Variants in PDE7A observed in about 807,000 individuals in gnomAD.
PDE7A encodes high affinity 3',5'-cyclic-AMP phosphodiesterase 7A.
A neutral mutation model predicts 64.3 loss-of-function variants in PDE7A; 39 were observed. The observed-to-expected ratio is 0.61, with a 90% CI of 0.47 to 0.79. The LOEUF is 0.79. Among genes scored for constraint, PDE7A ranks in the 30% least tolerant of loss-of-function variants. The pLI is 0.00. For synonymous variants in PDE7A, 203 were observed against 206.8 expected, an observed-to-expected ratio of 0.98 and a Z score of 0.16; for missense variants, 470 against 582.8, an observed-to-expected ratio of 0.81 and a Z score of 1.99.
chr8:65,809,803 T>A (rs917624465), intron 1 of PDE7A, among the ~76,000 whole-genome samples: 2 of 152,122 alleles, frequency 1.3e-5, no homozygotes, highest in East Asian at 3.8e-4. Context: ...TGAGATACCA[T>A]CTCACACTAG....
chr8:65,823,968 T>C (rs1414977285), intron 1 of PDE7A, among the ~76,000 whole-genome samples: 1 of 151,848 alleles, frequency 6.6e-6, no homozygotes, highest in East Asian at 1.9e-4. Flanking sequence ...ATTCAAAAAT[T>C]GATATAAAAA....
At position 65,804,846 on chromosome 8, in the gene PDE7A, C is replaced by A. The variant is rs1225447161; in HGVS notation, c.139-22003G>T. 3.3e-5 allele frequency among the ~76,000 whole-genome samples: 5 copies of A among 151,470 alleles called. 1 individual carries two copies. The East Asian group carries it at 9.7e-4, about 29-fold the overall frequency. On this transcript the variant is annotated intron_variant, in intron 1 of 12. Transcript: ENST00000401827. The stretch of plus-strand genomic sequence containing the variant: ...AAGCCACCGTGCCCAGCCAAGTTTT[C>A]TTTTATTTTGAGATGGGATCTTGCT...
chr8:65,767,038 G>A lies in PDE7A; in HGVS notation c.283+12682C>T, dbSNP rs201743662. Among the ~76,000 whole-genome samples the A allele has an allele frequency of 5.4e-5, 8 of 149,216 alleles. No homozygotes were observed. The East Asian group carries it at 1.2e-3, about 22-fold the overall frequency. On this transcript the variant is annotated intron_variant, in intron 3 of 12. Coordinates refer to ENST00000401827, the MANE Select transcript of PDE7A (RefSeq NM_001242318.3). ...CAACAACAACAACAACAACAACAACGCCTGGACCACTACATCCAACTGAAT... is the reference window on the plus strand; with the variant it reads ...CAACAACAACAACAACAACAACAACACCTGGACCACTACATCCAACTGAAT...
chr8:65,741,961 A>G (rs1356088105), intron 5 of PDE7A, among the ~76,000 whole-genome samples: 1 of 152,236 alleles, frequency 6.6e-6, no homozygotes, highest in Non-Finnish European at 1.5e-5. Flanking sequence ...TCTGACAAGA[A>G]TCAGTCTCTT....
chr8:65,746,145 G>A (rs1807667053), intron 4 of PDE7A, among the ~76,000 whole-genome samples: 2 of 151,458 alleles, frequency 1.3e-5, no homozygotes, highest in South Asian at 4.2e-4. Flanking sequence ...GCTGCCCAGG[G>A]CTGGTTTCAA....
At chr8:65,763,426 G>A (rs531590717) in intron 3 of PDE7A, among the ~76,000 whole-genome samples, 21 of 152,176 alleles carry the variant, frequency 1.4e-4, no homozygotes, top group South Asian at 1.0e-3. Context: ...TTAGCTGGGC[G>A]TGGTGGCGCA....
chr8:65,824,102 G>A (rs1810608649), intron 1 of PDE7A, among the ~76,000 whole-genome samples: 1 of 152,154 alleles, frequency 6.6e-6, no homozygotes, highest in Non-Finnish European at 1.5e-5. Context: ...TGTGGCAACT[G>A]CACCTAGCAA....
chr8:65,839,982 G>A (rs1438514667), intron 1 of PDE7A, among the ~76,000 whole-genome samples: 1 of 152,154 alleles, frequency 6.6e-6, no homozygotes, highest in Non-Finnish European at 1.5e-5. Context: ...ATCTGAGGAA[G>A]TAAAATAATA....
chr8:65,795,689 A>G (rs1015034340), intron 1 of PDE7A, among the ~76,000 whole-genome samples: 20 of 152,174 alleles, frequency 1.3e-4, no homozygotes, highest in African/African-American at 4.6e-4. Flanking sequence ...AAAACTTACA[A>G]TAAGCGTAAA....
chr8:65,841,388 G>T lies in PDE7A; in HGVS notation c.121C>A (p.Pro41Thr). ...SSSALFGCPN[P>T]RQLSQRRGAI... ...GCGATTACCTGAGAGAGCTGCCGGGGATTGGGGCAGCCGAAGAGAGCGGAG... is the reference window on the plus strand; with the variant it reads ...GCGATTACCTGAGAGAGCTGCCGGGTATTGGGGCAGCCGAAGAGAGCGGAG... The change falls in exon 1 of 13, where the codon CCC becomes ACC. Residue 41 changes from proline (P) to threonine (T), a missense_variant. By Grantham distance (38) the Pro-to-Thr change is conservative. Transcript: ENST00000401827. The T allele has an allele frequency of 1.9e-6, 3 of 1,560,602 alleles. No individual in the cohort carries two copies. Among genetic ancestry groups the T allele is most frequent in the Non-Finnish European group, 1.7e-6 (2 of 1,158,044 alleles).
At chr8:65,767,554 T>C (rs1054556006) in intron 3 of PDE7A, among the ~76,000 whole-genome samples, 12 of 152,178 alleles carry the variant, frequency 7.9e-5, no homozygotes, top group African/African-American at 2.4e-4. Context: ...CAATCTTCCC[T>C]GGCCTTTCTG....
chr8:65,724,924 G>T lies in PDE7A; in HGVS notation c.921-3C>A. 1 of 1,572,098 alleles carries T rather than the reference G, an allele frequency of 6.4e-7. No homozygotes were observed. Among genetic ancestry groups the T allele is most frequent in the Non-Finnish European group, 8.6e-7 (1 of 1,156,070 alleles). ...CTATCTGTGTCTCCATTTGTTGCCTGGAAATAGAGAAATATAAAGAGAAAA... is the reference window on the plus strand; with the variant it reads ...CTATCTGTGTCTCCATTTGTTGCCTTGAAATAGAGAAATATAAAGAGAAAA... On this transcript the variant is annotated splice_polypyrimidine_tract_variant and splice_region_variant and intron_variant, in intron 9 of 12. Coordinates refer to ENST00000401827, the MANE Select transcript of PDE7A (RefSeq NM_001242318.3).
At chr8:65,791,418 T>C (rs1162618769) in intron 1 of PDE7A, among the ~76,000 whole-genome samples, 1 of 152,190 alleles carries the variant, frequency 6.6e-6, no homozygotes, top group Non-Finnish European at 1.5e-5. Context: ...CAGAATTAAA[T>C]TCTACTGTAT....
At chr8:65,744,129 A>G (rs1260217418) in intron 5 of PDE7A, among the ~76,000 whole-genome samples, 2 of 152,202 alleles carry the variant, frequency 1.3e-5, no homozygotes, top group Non-Finnish European at 2.9e-5. Context: ...CACCACGCCC[A>G]GCCTAGCTGA....
At chr8:65,832,590 T>G (rs1810858320) in intron 1 of PDE7A, among the ~76,000 whole-genome samples, 1 of 152,126 alleles carries the variant, frequency 6.6e-6, no homozygotes, top group Non-Finnish European at 1.5e-5. Context: ...GCTCAAGAGA[T>G]CCTCCCACCA....
In PDE7A at chr8:65,812,305, G is replaced by A. The variant is rs115648994; in HGVS notation, c.138+29066C>T. ...TGGTGTTTCAAATAAATGGAGAAAA[G>A]ATGCAGTATTTAATAAATGATTTCG... On this transcript the variant is annotated intron_variant, in intron 1 of 12. Coordinates refer to ENST00000401827, the MANE Select transcript of PDE7A (RefSeq NM_001242318.3). 5.9e-3 allele frequency among the ~76,000 whole-genome samples: 891 copies of A among 151,748 alleles called. 9 individuals are homozygous for A. The highest frequency in any genetic ancestry group is 0.02 in the African/African-American group (842 of 41,348).
chr8:65,799,308 A>G (rs1809934103), intron 1 of PDE7A, among the ~76,000 whole-genome samples: 1 of 152,170 alleles, frequency 6.6e-6, no homozygotes, highest in Admixed American at 6.5e-5. Flanking sequence ...TTACTAATAG[A>G]ATTTAAAGTT....
chr8:65,824,866 T>G (rs77444023), intron 1 of PDE7A, among the ~76,000 whole-genome samples: 8,744 of 152,310 alleles, frequency 0.057, 363 homozygotes, highest in Middle Eastern at 0.11. Context: ...ATTGTGATAT[T>G]AGCTTTACTG....
intron 1 of PDE7A, chr8:65,788,980 T>C: frequency 6.2e-7 from 1 of 1,605,542 alleles, no homozygotes; most frequent in Non-Finnish European, 8.5e-7. Flanking sequence ...CTCTCTCTTC[T>C]ACTAGGGAGC....
Sources: allele counts gnomAD v4.1 joint callset (sites outside exome capture counted in the v4.1 genomes callset), GRCh38; gene constraint gnomAD v4.1.1; transcripts MANE v1.5; gene names NCBI Gene and HGNC (gene_info 2026-07-23, HGNC 2026-07-21).